The following CSMD1 variants were observed in gnomAD, a reference collection of about 807,000 sequenced individuals.
The protein encoded by CSMD1 is CUB and Sushi multiple domains 1.
Under a neutral mutation model 417.5 loss-of-function variants are expected in CSMD1, and 213 were observed. That is an observed-to-expected ratio of 0.51 (90% CI 0.46 to 0.57). The LOEUF (loss-of-function observed/expected upper bound fraction) is 0.57, where lower values mean the gene tolerates loss of function less well. Ranked by LOEUF, CSMD1 falls within the 20% of genes least tolerant of loss-of-function variation. The pLI, the probability that CSMD1 is intolerant of heterozygous loss-of-function variation, is 0.00. For synonymous variants in CSMD1, 2,862 were observed against 1,736.8 expected, an observed-to-expected ratio of 1.65 and a Z score of -16.11; for missense variants, 6,923 against 4,529.7, an observed-to-expected ratio of 1.53 and a Z score of -15.17.
chr8:3,118,438 TC>T lies in CSMD1; in HGVS notation c.6390del (p.Ile2131SerfsTer20). The T allele has an allele frequency of 6.2e-7, 1 of 1,613,790 alleles. No homozygotes were observed. Among genetic ancestry groups the T allele is most frequent in the Non-Finnish European group, 8.5e-7 (1 of 1,179,822 alleles). On this transcript the variant is annotated frameshift_variant, in exon 42 of 70. Transcript: ENST00000635120. LOFTEE classifies it high-confidence loss of function. Reference sequence around the variant, plus strand: ...AAAGGGTAGTTCCAGTTTCTGTTGATCCCATGCTGACAAGTGAGGACAGGAT... The same window carrying T: ...AAAGGGTAGTTCCAGTTTCTGTTGATCCATGCTGACAAGTGAGGACAGGAT... ...IGHPVLTCQH[G>X]INRNWNYPFP...
chr8:3,020,355 C>T (rs1385251149), intron 51 of CSMD1, among the ~76,000 whole-genome samples: 1 of 152,148 alleles, frequency 6.6e-6, no homozygotes, highest in Non-Finnish European at 1.5e-5. Context: ...GCATGTACCA[C>T]TAAAACCAGC....
chr8:2,996,788 C>T (rs1320372392), intron 54 of CSMD1, among the ~76,000 whole-genome samples: 1 of 152,228 alleles, frequency 6.6e-6, no homozygotes, highest in Non-Finnish European at 1.5e-5. Context: ...TAATTCTGCA[C>T]ATCAGATATT....
chr8:4,138,044 A>ATTTTTTT lies in CSMD1; in HGVS notation c.416-105952_416-105946dup, dbSNP rs55993904. ...AGGCGCCCGCCACCATGCCCGGCTA[A>ATTTTTTT]TTTTTTTTTTTTTTTTTTTTTTTTT... On this transcript the variant is annotated intron_variant, in intron 3 of 69. Coordinates refer to ENST00000635120, the MANE Select transcript of CSMD1 (RefSeq NM_033225.6). 2.1e-4 allele frequency among the ~76,000 whole-genome samples: 13 copies of ATTTTTTT among 62,704 alleles called. 1 individual carries two copies. The highest frequency in any genetic ancestry group is 1.0e-3 in the East Asian group (2 of 1,994). 41.1% of individuals were successfully genotyped at this position (62,704 alleles called of 152,430 possible).
chr8:3,139,901 CT>C (rs1463957860), intron 41 of CSMD1, among the ~76,000 whole-genome samples: 140 of 131,386 alleles, frequency 1.1e-3, no homozygotes, highest in South Asian at 1.7e-3. Flanking sequence ...TCTTTTCTTT[CT>C]TTCTTTTTTT....
intron 3 of CSMD1, among the ~76,000 whole-genome samples, chr8:4,051,580 G>T (rs150220799): frequency 2.0e-5 from 3 of 152,274 alleles, no homozygotes; most frequent in Admixed American, 6.5e-5. Context: ...CTCTGTCAAC[G>T]TCCTCAGAAG....
At chr8:3,371,119 C>A (rs1434533198) in intron 18 of CSMD1, among the ~76,000 whole-genome samples, 1 of 152,238 alleles carries the variant, frequency 6.6e-6, no homozygotes, top group East Asian at 1.9e-4. Flanking sequence ...GTTCCCAGGT[C>A]TTCAGTCTCA....
intron 4 of CSMD1, among the ~76,000 whole-genome samples, chr8:4,029,885 G>A (rs757779192): frequency 6.8e-6 from 1 of 146,934 alleles, no homozygotes; most frequent in Non-Finnish European, 1.5e-5. Flanking sequence ...ATTCAAAAAT[G>A]GGAGAAATTG....
At chr8:4,158,432 C>CAA (rs112280740) in intron 3 of CSMD1, among the ~76,000 whole-genome samples, 3 of 150,656 alleles carry the variant, frequency 2.0e-5, no homozygotes, top group African/African-American at 7.3e-5. Context: ...AACAAACAAA[C>CAA]AAAAAAAAAT....
chr8:4,132,325 A>C (rs927398810), intron 3 of CSMD1, among the ~76,000 whole-genome samples: 6 of 152,012 alleles, frequency 3.9e-5, no homozygotes, highest in African/African-American at 1.5e-4. Flanking sequence ...CAAGACACAA[A>C]GGAGAATATA....
chr8:4,952,810 C>T (rs1346026565), intron 1 of CSMD1, among the ~76,000 whole-genome samples: 2 of 152,098 alleles, frequency 1.3e-5, no homozygotes, highest in Non-Finnish European at 2.9e-5. Context: ...TACTTCTACA[C>T]AGTAATCAGC....
intron 5 of CSMD1, among the ~76,000 whole-genome samples, chr8:3,877,298 G>C (rs4388472): frequency 0.45 from 69,045 of 151,948 alleles, 15,972 homozygotes; most frequent in South Asian, 0.6. Flanking sequence ...GGAAACTTCT[G>C]CATGCTGGGA....
chr8:4,521,285 T>C (rs994353485), intron 2 of CSMD1, among the ~76,000 whole-genome samples: 2 of 152,158 alleles, frequency 1.3e-5, no homozygotes, highest in African/African-American at 2.4e-5. Flanking sequence ...GAAGGAAGAA[T>C]GAATTTTCCT....
chr8:3,648,067 CAGAT>C (rs1797665831), intron 7 of CSMD1, among the ~76,000 whole-genome samples: 1 of 152,202 alleles, frequency 6.6e-6, no homozygotes, highest in African/African-American at 2.4e-5. Flanking sequence ...AGATGGAGGA[CAGAT>C]GGATGGATGT....
chr8:3,915,381 A>C (rs2688322), intron 5 of CSMD1, among the ~76,000 whole-genome samples: 2 of 142,168 alleles, frequency 1.4e-5, no homozygotes. Flanking sequence ...ACTCCAGCCT[A>C]GGCGTCACAG....
chr8:4,771,649 C>T (rs571814517), intron 1 of CSMD1, among the ~76,000 whole-genome samples: 14 of 152,130 alleles, frequency 9.2e-5, no homozygotes, highest in Non-Finnish European at 1.5e-4. Flanking sequence ...ATGATTTCTA[C>T]GCAGTCAAAT....
intron 22 of CSMD1, among the ~76,000 whole-genome samples, chr8:3,345,652 T>A (rs566824460): frequency 6.6e-6 from 1 of 152,264 alleles, no homozygotes; most frequent in African/African-American, 2.4e-5. Flanking sequence ...GAGAAAGTCT[T>A]TGGGATTCAT....
At chr8:4,179,497 C>T (rs1398559690) in intron 3 of CSMD1, among the ~76,000 whole-genome samples, 1 of 150,888 alleles carries the variant, frequency 6.6e-6, no homozygotes, top group South Asian at 2.1e-4. Context: ...CTAGGCATTA[C>T]CATTCAGGAC....
chr8:4,804,870 G>C (rs142749084), intron 1 of CSMD1, among the ~76,000 whole-genome samples: 3 of 152,100 alleles, frequency 2.0e-5, no homozygotes, highest in Non-Finnish European at 2.9e-5. Context: ...CTAACAGCCT[G>C]TACCCAATCC....
intron 1 of CSMD1, among the ~76,000 whole-genome samples, chr8:4,763,691 G>T (rs990337721): frequency 6.6e-6 from 1 of 152,098 alleles, no homozygotes; most frequent in Non-Finnish European, 1.5e-5. Context: ...AGCAAGTTTT[G>T]ATTGAAGTAT....
Sources: allele counts gnomAD v4.1 joint callset (sites outside exome capture counted in the v4.1 genomes callset), GRCh38; gene constraint gnomAD v4.1.1; transcripts MANE v1.5; gene names NCBI Gene and HGNC (gene_info 2026-07-23, HGNC 2026-07-21).